The following POU2AF2 variants were observed in gnomAD, a reference collection of about 807,000 sequenced individuals.
POU2AF2 encodes POU domain class 2-associating factor 2.
At chr11:111,285,896 A>T in the POU2AF2 span, 2 of 1,612,008 alleles carry the variant, frequency 1.2e-6, no homozygotes, top group African/African-American at 2.7e-5. Flanking sequence ...TTACCCCTTC[A>T]CCCCTTTCAT....
the POU2AF2 span, among the ~76,000 whole-genome samples, chr11:111,261,578 A>G: frequency 1.3e-5 from 2 of 151,990 alleles, no homozygotes; most frequent in South Asian, 4.2e-4. Flanking sequence ...AGGGGGGAAA[A>G]ATGTAAAACT....
At chr11:111,261,854 G>C in the POU2AF2 span, among the ~76,000 whole-genome samples, 2 of 152,084 alleles carry the variant, frequency 1.3e-5, no homozygotes, top group Admixed American at 1.3e-4. Flanking sequence ...GAAGATTTCT[G>C]GCTCTGTTTT....
the POU2AF2 span, among the ~76,000 whole-genome samples, chr11:111,280,057 A>AAAAAAATATATATATAT: frequency 5.2e-5 from 4 of 76,474 alleles, no homozygotes; most frequent in East Asian, 3.1e-4. Flanking sequence ...AAAAAAAAAA[A>AAAAAAATATATATATAT]ATATATATAT....
chr11:111,282,891 A>G, the POU2AF2 span, among the ~76,000 whole-genome samples: 1 of 152,062 alleles, frequency 6.6e-6, no homozygotes, highest in Non-Finnish European at 1.5e-5. Context: ...ATGCCCTCAA[A>G]CATGTTCTGA....
chr11:111,257,904 G>A, the POU2AF2 span, among the ~76,000 whole-genome samples: 2 of 152,154 alleles, frequency 1.3e-5, no homozygotes, highest in African/African-American at 4.8e-5. Flanking sequence ...GATCACTTGA[G>A]GCCAGGAGTT....
chr11:111,266,456 A>G, the POU2AF2 span, among the ~76,000 whole-genome samples: 27 of 152,284 alleles, frequency 1.8e-4, no homozygotes, highest in Non-Finnish European at 3.5e-4. Flanking sequence ...GAGTTTTGCA[A>G]TCTGAGTTAG....
the POU2AF2 span, among the ~76,000 whole-genome samples, chr11:111,262,778 T>G: frequency 6.6e-6 from 1 of 152,208 alleles, no homozygotes; most frequent in Admixed American, 6.5e-5. Flanking sequence ...CTAGTTTCTG[T>G]GCTTATTTTT....
chr11:111,253,256 T>C, the POU2AF2 span, among the ~76,000 whole-genome samples: 1 of 152,204 alleles, frequency 6.6e-6, no homozygotes. Context: ...ATCAGTGTTA[T>C]AGGCATTCCA....
chr11:111,285,290 G>A, the POU2AF2 span, among the ~76,000 whole-genome samples: 1 of 152,172 alleles, frequency 6.6e-6, no homozygotes, highest in South Asian at 2.1e-4. Flanking sequence ...TCCCCACTGT[G>A]TAAATGGCAT....
At chr11:111,266,045 A>G in the POU2AF2 span, among the ~76,000 whole-genome samples, 1 of 152,138 alleles carries the variant, frequency 6.6e-6, no homozygotes, top group Non-Finnish European at 1.5e-5. Context: ...AAACTCAATC[A>G]GTTTAGGATA....
the POU2AF2 span, among the ~76,000 whole-genome samples, chr11:111,257,606 C>T: frequency 6.6e-6 from 1 of 152,056 alleles, no homozygotes; most frequent in Non-Finnish European, 1.5e-5. Flanking sequence ...AAACTCCTGA[C>T]CTCATGATCC....
chr11:111,284,343 C>A, the POU2AF2 span: 2 of 1,609,704 alleles, frequency 1.2e-6, no homozygotes, highest in African/African-American at 2.7e-5. Flanking sequence ...CTCCTGCCAC[C>A]GCCCTTCCCC....
chr11:111,265,275 A>C, the POU2AF2 span, among the ~76,000 whole-genome samples: 1 of 152,188 alleles, frequency 6.6e-6, no homozygotes, highest in African/African-American at 2.4e-5. Context: ...CTGCTCCCAA[A>C]GCCTCCGGAA....
the POU2AF2 span, among the ~76,000 whole-genome samples, chr11:111,259,294 C>T: frequency 4.0e-5 from 6 of 151,302 alleles, no homozygotes; most frequent in South Asian, 1.0e-3. Context: ...GCAGATGACT[C>T]CTAATTCCAC....
At chr11:111,249,771 T>C in the POU2AF2 span, among the ~76,000 whole-genome samples, 1 of 152,140 alleles carries the variant, frequency 6.6e-6, no homozygotes, top group Non-Finnish European at 1.5e-5. Context: ...TTTCTTTCAT[T>C]TTCCTGATGC....
chr11:111,264,238 G>A, the POU2AF2 span, among the ~76,000 whole-genome samples: 1 of 152,040 alleles, frequency 6.6e-6, no homozygotes, highest in Non-Finnish European at 1.5e-5. Context: ...GCTCACGTCT[G>A]TAATCCCAGC....
the POU2AF2 span, chr11:111,255,967 A>G: frequency 1.5e-5 from 6 of 399,128 alleles, no homozygotes; most frequent in African/African-American, 1.2e-4. Context: ...CGTTGTGACT[A>G]TTCCATTTGC....
the POU2AF2 span, among the ~76,000 whole-genome samples, chr11:111,283,400 C>T: frequency 6.9e-6 from 1 of 145,208 alleles, no homozygotes; most frequent in Non-Finnish European, 1.5e-5. Context: ...CGTGCTGGGC[C>T]CTGGTGAGTT....
the POU2AF2 span, chr11:111,284,018 G>A: frequency 9.2e-6 from 14 of 1,518,742 alleles, no homozygotes; most frequent in Admixed American, 1.8e-5. Flanking sequence ...AGCTGCAACC[G>A]AGGCCTTGAC....
Sources: allele counts gnomAD v4.1 joint callset (sites outside exome capture counted in the v4.1 genomes callset), GRCh38; gene constraint gnomAD v4.1.1; transcripts MANE v1.5; gene names NCBI Gene and HGNC (gene_info 2026-07-23, HGNC 2026-07-21).